Variants in PSTK observed in about 807,000 individuals in gnomAD.
PSTK encodes the protein L-seryl-tRNA(Sec) kinase.
PSTK carries 26 observed loss-of-function variants against 38.6 expected under a neutral mutation model. The ratio of observed to expected loss-of-function variants is 0.67; its 90% CI spans 0.49 to 0.94. The LOEUF is 0.94. PSTK is among the 40% of genes least tolerant of loss of function. The pLI is 0.00. For missense variants in PSTK, 445 were observed against 436.3 expected, an observed-to-expected ratio of 1.02 and a Z score of -0.18; for synonymous variants, 181 against 161.7, an observed-to-expected ratio of 1.12 and a Z score of -0.91.
At chr10:122,987,334 G>T in intron 5 of PSTK, 2 of 1,612,824 alleles carry the variant, frequency 1.2e-6, no homozygotes, top group Non-Finnish European at 1.7e-6. Flanking sequence ...TTTTAAAAAG[G>T]TAATCAGGAA....
chr10:122,982,650 A>T (rs1221952869), intron 1 of PSTK, 83 bp from the exon 2 acceptor site: 1 of 1,190,522 alleles, frequency 8.4e-7, no homozygotes, highest in African/African-American at 1.5e-5. Context: ...TGAAATTTTC[A>T]TATGGGGCAG....
intron 4 of PSTK, 104 bp downstream of exon 4, chr10:122,986,479 T>G (rs1849035213): frequency 3.5e-6 from 3 of 847,402 alleles, no homozygotes; most frequent in Admixed American, 2.0e-5. Flanking sequence ...AGATGCGTTG[T>G]CATTGGCTTG....
In PSTK at chr10:122,980,522, C is replaced by A. The variant is rs759259739; in HGVS notation, c.43C>A (p.Pro15Thr). 1 of 1,609,138 alleles carries A rather than the reference C, an allele frequency of 6.2e-7. No homozygotes were observed. Among genetic ancestry groups the A allele is most frequent in the East Asian group, 2.2e-5 (1 of 44,820 alleles). The change falls in exon 1 of 6, where the codon CCG becomes ACG. Residue 15 changes from proline (P) to threonine (T), a missense_variant. Pro to Thr is a conservative substitution (Grantham distance 38). Coordinates refer to ENST00000406217, the MANE Select transcript of PSTK (RefSeq NM_001363531.2). This position sits in a 1 kb window ranked among gnomAD's most constrained non-coding sequence, Gnocchi z 4.3. ...ENIRGTGSDG[P>T]RKRGLCVLCG... is the part of the protein sequence containing the mutation. The stretch of plus-strand genomic sequence containing the variant: ...CATCAGAGGAACCGGCAGCGACGGG[C>A]CGCGGAAACGAGGCCTCTGCGTCCT...
chr10:122,988,472 A>AC (rs1849065556), intron 5 of PSTK, among the ~76,000 whole-genome samples: 10 of 152,272 alleles, frequency 6.6e-5, no homozygotes, highest in Admixed American at 2.0e-4. Context: ...TTAAAAATTC[A>AC]GTTCCTCTAC....
intron 5 of PSTK, among the ~76,000 whole-genome samples, chr10:122,989,883 G>A (rs1192506578): frequency 6.6e-6 from 1 of 152,196 alleles, no homozygotes; most frequent in East Asian, 1.9e-4. Flanking sequence ...AATTCAGTAA[G>A]GTAGTAAGTC....
At chr10:122,983,601 G>A (rs1222893677) in intron 3 of PSTK, 131 bp downstream of exon 3, 2 of 789,092 alleles carry the variant, frequency 2.5e-6, no homozygotes, top group African/African-American at 1.7e-5. Context: ...TTGTGTGGAA[G>A]CTAAAAGTGA....
At chr10:122,989,426 A>G (rs1359112712) in intron 5 of PSTK, among the ~76,000 whole-genome samples, 2 of 151,846 alleles carry the variant, frequency 1.3e-5, no homozygotes, top group African/African-American at 4.8e-5. Flanking sequence ...TAATTTTTGT[A>G]TTTTTAGTAG....
chr10:122,986,424 G>C (rs749264449), intron 4 of PSTK, 49 bp downstream of exon 4: 1 of 1,285,628 alleles, frequency 7.8e-7, no homozygotes, highest in Non-Finnish European at 1.1e-6. Flanking sequence ...ACAACTTTTT[G>C]TAGGAAGATC....
At chr10:122,981,476 C>T (rs1451233452) in intron 1 of PSTK, among the ~76,000 whole-genome samples, 1 of 152,184 alleles carries the variant, frequency 6.6e-6, no homozygotes, top group Non-Finnish European at 1.5e-5. Flanking sequence ...GAGTAGATTA[C>T]ATTCGTGTTT....
rs747804677 is a variant in PSTK at position 122,982,737 on chromosome 10, C to A, written c.221C>A (p.Ser74Tyr). ...CAATTCTTTGGTCTCTTGTAGCCAT[C>A]CCAATGGAAATTGCTTCGACAGGAA... ...LAGARARPAP[S>Y]QWKLLRQELL... Residue 74 changes from serine (S) to tyrosine (Y), a missense_variant, in exon 2 of 6, where the codon TCC (serine) becomes TAC (tyrosine). By Grantham distance (144) the Ser-to-Tyr change is moderately radical. Coordinates refer to ENST00000406217, the MANE Select transcript of PSTK (RefSeq NM_001363531.2). 4 of 1,613,990 alleles carry A rather than the reference C, an allele frequency of 2.5e-6. No homozygotes were observed. The highest frequency in any genetic ancestry group is 3.4e-6 in the Non-Finnish European group (4 of 1,179,890).
rs192768344 is a variant in PSTK at position 122,988,423 on chromosome 10, G to T, written c.877+1461G>T. Among the ~76,000 whole-genome samples, 235 of 151,774 alleles carry T rather than the reference G, an allele frequency of 1.5e-3. 1 individual carries two copies. Among genetic ancestry groups the T allele is most frequent in the African/African-American group, 5.5e-3 (226 of 41,384 alleles). On this transcript the variant is annotated intron_variant, in intron 5 of 5. Coordinates refer to ENST00000406217, the MANE Select transcript of PSTK (RefSeq NM_001363531.2). Reference sequence around the variant, plus strand: ...TACATATATTATATATATTTTTTGGGGTCAGGGGAGGTAGTAGTAGTTTTT... The same window carrying T: ...TACATATATTATATATATTTTTTGGTGTCAGGGGAGGTAGTAGTAGTTTTT...
At chr10:122,989,641 T>TAA (rs1172917799) in intron 5 of PSTK, among the ~76,000 whole-genome samples, 1 of 152,206 alleles carries the variant, frequency 6.6e-6, no homozygotes, top group Non-Finnish European at 1.5e-5. Context: ...TCATACAGAT[T>TAA]AAATGGGTAA....
chr10:122,987,637 C>A, intron 5 of PSTK: 1 of 1,332,432 alleles, frequency 7.5e-7, no homozygotes. Context: ...CACAGTAATT[C>A]CATTAGGTTT....
At chr10:122,983,943 A>G (rs1200700766) in intron 3 of PSTK, 2 of 153,848 alleles carry the variant, frequency 1.3e-5, no homozygotes, top group African/African-American at 4.8e-5. Flanking sequence ...CTAGAGCAGC[A>G]TATTTCTAGC....
chr10:122,984,316 T>C (rs1452693380), intron 3 of PSTK: 5 of 152,222 alleles, frequency 3.3e-5, no homozygotes, highest in African/African-American at 4.8e-5. Flanking sequence ...TTTGTTGTAG[T>C]GACAGGGTCT....
chr10:122,986,302 T>C lies in PSTK; in HGVS notation c.710T>C (p.Leu237Pro). The change falls in exon 4 of 6, where the codon CTG becomes CCG. Residue 237 changes from leucine (L) to proline (P), a missense_variant and splice_region_variant. Physicochemically the swap from Leu to Pro is moderately conservative, Grantham distance 98 (BLOSUM62 -3). Coordinates refer to ENST00000406217, the MANE Select transcript of PSTK (RefSeq NM_001363531.2). ...ATTTTATCCCATTTTCTCTGTAGCCTGGAAGTGACTGATTTATTGCTCACT... is the reference window on the plus strand; with the variant it reads ...ATTTTATCCCATTTTCTCTGTAGCCCGGAAGTGACTGATTTATTGCTCACT... ...PSPACASEAS[L>P]EVTDLLLTAL... 2 of 1,600,534 alleles carry C rather than the reference T, an allele frequency of 1.2e-6. No homozygotes were observed. Among genetic ancestry groups the C allele is most frequent in the South Asian group, 2.2e-5 (2 of 89,994 alleles).
Position 122,980,794 on chromosome 10 carries a change from A to T in PSTK, c.216+99A>T. 7.8e-7 allele frequency: 1 copy of T among 1,285,544 alleles called. No homozygotes were observed. The highest frequency in any genetic ancestry group is 4.3e-5 in the Admixed American group (1 of 23,408). The allele number at this position is 1,285,544 out of a possible 1,614,324, so 79.6% of individuals were successfully genotyped here. On this transcript the variant is annotated intron_variant, in intron 1 of 5. Coordinates refer to ENST00000406217, the MANE Select transcript of PSTK (RefSeq NM_001363531.2). This position sits in a 1 kb window ranked among gnomAD's most constrained non-coding sequence, Gnocchi z 4.3. ...TCCACGCGGTCCTGGGTGATTTGCC[A>T]TGAGCGCCCATTGCTTGGTGTGGGA... is the stretch of plus-strand genomic sequence containing the variant.
chr10:122,987,345 G>A (rs893203563), intron 5 of PSTK: 1 of 1,613,896 alleles, frequency 6.2e-7, no homozygotes, highest in African/African-American at 1.3e-5. Flanking sequence ...TAATCAGGAA[G>A]CCTTCTCAGA....
chr10:122,981,761 T>A (rs868541702), intron 1 of PSTK, among the ~76,000 whole-genome samples: 1 of 152,228 alleles, frequency 6.6e-6, no homozygotes, highest in South Asian at 2.1e-4. Context: ...TTTCAACACT[T>A]CGGAGAAAGC....
Sources: gnomAD v4.1 joint callset for allele counts (sites outside exome capture counted in the v4.1 genomes callset) on GRCh38, gnomAD v4.1.1 for gene constraint, Gnocchi (gnomAD v3.1) non-coding constraint, MANE v1.5 for transcripts, NCBI Gene and HGNC (gene_info 2026-07-23, HGNC 2026-07-21) for gene names.